Variants in PSG9 observed in about 807,000 individuals in gnomAD.
The protein encoded by PSG9 is pregnancy specific beta-1-glycoprotein 9.
A neutral mutation model predicts 41.9 loss-of-function variants in PSG9; 49 were observed. The observed-to-expected ratio is 1.17, with a 90% confidence interval of 0.93 to 1.48. The LOEUF (loss-of-function observed/expected upper bound fraction) is 1.48. PSG9 is among the 40% of genes most tolerant of loss of function. The pLI is 0.00. For missense variants in PSG9, 641 were observed against 520.3 expected (o/e 1.23, Z -2.26); for synonymous variants, 263 against 196.8 (o/e 1.34, Z -2.82).
intron 2 of PSG9, among the ~76,000 whole-genome samples, chr19:43,266,795 A>G (rs1968990820): frequency 6.6e-6 from 1 of 152,114 alleles, no homozygotes; most frequent in Admixed American, 6.5e-5. Context: ...GTGGCTGCAG[A>G]CAGACCTCAT....
chr19:43,260,046 G>A (rs1968636360), intron 3 of PSG9: 1 of 146,528 alleles, frequency 6.8e-6, no homozygotes. Context: ...AGACAAACTT[G>A]GAGAGAAGTT....
chr19:43,268,185 C>G, intron 1 of PSG9, 36 bp from the exon 2 acceptor site: 2 of 1,555,968 alleles, frequency 1.3e-6, no homozygotes, highest in Non-Finnish European at 1.7e-6. Flanking sequence ...AATATTGAGA[C>G]CTATGTATTG....
At chr19:43,269,203 A>G (rs1969130230) in intron 1 of PSG9, among the ~76,000 whole-genome samples, 165 bp downstream of exon 1, 1 of 151,842 alleles carries the variant, frequency 6.6e-6, no homozygotes, top group Non-Finnish European at 1.5e-5. Context: ...ACTGGGCTTC[A>G]CTGCATTGGC....
At chr19:43,268,339 C>T (rs1336890840) in intron 1 of PSG9, among the ~76,000 whole-genome samples, 190 bp from the exon 2 acceptor site, 3 of 152,052 alleles carry the variant, frequency 2.0e-5, no homozygotes, top group South Asian at 2.1e-4. Context: ...GTCCTACTGT[C>T]CTACTAGGTC....
At chr19:43,265,339 C>T (rs948602274) in intron 2 of PSG9, among the ~76,000 whole-genome samples, 1 of 152,108 alleles carries the variant, frequency 6.6e-6, no homozygotes, top group African/African-American at 2.4e-5. Context: ...CTAATTGCTC[C>T]TATAGATAAC....
intron 2 of PSG9, among the ~76,000 whole-genome samples, chr19:43,267,308 G>C (rs1969016451): frequency 6.6e-6 from 1 of 152,146 alleles, no homozygotes; most frequent in African/African-American, 2.4e-5. Context: ...CTTGGTCCCA[G>C]TAAGGCCTGC....
At chr19:43,263,644 CTT>C (rs1286880808) in intron 2 of PSG9, among the ~76,000 whole-genome samples, 1 of 151,468 alleles carries the variant, frequency 6.6e-6, no homozygotes, top group Non-Finnish European at 1.5e-5. Context: ...TAAGTGGAAA[CTT>C]TTACTGATGG....
At chr19:43,268,181 G>A in intron 1 of PSG9, 32 bp from the exon 2 acceptor site, 1 of 1,568,398 alleles carries the variant, frequency 6.4e-7, no homozygotes, top group Non-Finnish European at 8.6e-7. Context: ...AGTTAATATT[G>A]AGACCTATGT....
rs3179010 is a variant in PSG9 at position 43,269,474 on chromosome 19, G to A, written c.-43C>T. The A allele has an allele frequency of 0.43, 691,810 of 1,609,722 alleles. 165,925 individuals are homozygous for A. The highest frequency in any genetic ancestry group is 0.97 in the East Asian group (43,471 of 44,718). ...TGTTCTCCTCTGTGGAGATGAGCCT[G>A]GGATCCAGAAGCTGTCTGAGCACGG... On this transcript the variant is annotated 5_prime_UTR_variant, in exon 1 of 6. Coordinates refer to ENST00000270077, the MANE Select transcript of PSG9 (RefSeq NM_002784.5).
rs527620811 is a variant in PSG9, at chr19:43,253,767, A to G, written c.1244-121T>C. ...AGCAAGCCTAGTTCTCTGAGGCTCT[A>G]TTTAACTCTAATGGGTGGCTGGTTG... is the stretch of plus-strand genomic sequence containing the variant. On this transcript the variant is annotated intron_variant, in intron 5 of 5. Coordinates refer to ENST00000270077, the MANE Select transcript of PSG9 (RefSeq NM_002784.5). 1.1e-4 allele frequency: 68 copies of G among 601,888 alleles called. 3 individuals are homozygous for G. In the Middle Eastern group the frequency reaches 1.8e-3, roughly 16 times the overall value. 37.3% of individuals were successfully genotyped at this position (601,888 alleles called of 1,614,324 possible).
intron 3 of PSG9, among the ~76,000 whole-genome samples, chr19:43,261,423 G>T (rs55832852): frequency 6.6e-6 from 1 of 152,162 alleles, no homozygotes; most frequent in Non-Finnish European, 1.5e-5. Context: ...TATGGTAATA[G>T]ATGTATGAGG....
At chr19:43,257,859 C>T (rs1472575001) in intron 5 of PSG9, 3 of 1,376,490 alleles carry the variant, frequency 2.2e-6, no homozygotes, top group Non-Finnish European at 2.8e-6. Context: ...AAAAAAAAGA[C>T]GTGGCAGAAG....
chr19:43,268,356 A>G (rs1969084474), intron 1 of PSG9, among the ~76,000 whole-genome samples: 1 of 152,092 alleles, frequency 6.6e-6, no homozygotes, highest in African/African-American at 2.4e-5. Context: ...GGTCAAGGTC[A>G]GCAGCATGAC....
At position 43,267,386 on chromosome 19, in the gene PSG9, G is replaced by A. The variant is rs527709394; in HGVS notation, c.430+398C>T. On this transcript the variant is annotated intron_variant, in intron 2 of 5. Coordinates refer to ENST00000270077, the MANE Select transcript of PSG9 (RefSeq NM_002784.5). Reference sequence around the variant, plus strand: ...AACTGGAGCAAGGATTTAGGGACAGGGGTCTGGGGTTGAGGCTTCTAGGGC... The same window carrying A: ...AACTGGAGCAAGGATTTAGGGACAGAGGTCTGGGGTTGAGGCTTCTAGGGC... Among the ~76,000 whole-genome samples, 41 of 152,240 alleles carry A rather than the reference G, an allele frequency of 2.7e-4. 1 individual carries two copies. The highest frequency in any genetic ancestry group is 7.5e-4 in the African/African-American group (31 of 41,530).
chr19:43,258,757 G>A lies in PSG9; in HGVS notation c.988+100C>T, dbSNP rs10419839. ...GCCACCTCGGATGTCTAGAAGTAAA[G>A]GTGTCTATACTTGGACCGGAGAGAG... On this transcript the variant is annotated intron_variant, in intron 4 of 5. Coordinates refer to ENST00000270077, the MANE Select transcript of PSG9 (RefSeq NM_002784.5). 2.7e-3 allele frequency: 4,086 copies of A among 1,512,840 alleles called. 647 individuals carry two copies. In the African/African-American group the frequency reaches 0.052, roughly 19 times the overall value. The allele number at this position is 1,512,840 out of a possible 1,614,324, so 93.7% of individuals were successfully genotyped here.
chr19:43,255,144 C>A (rs1249455997), intron 5 of PSG9, among the ~76,000 whole-genome samples: 1 of 141,954 alleles, frequency 7.0e-6, no homozygotes, highest in East Asian at 2.5e-4. Flanking sequence ...AAAAATGAAG[C>A]GATTACTACC....
chr19:43,254,843 C>A (rs916962731), intron 5 of PSG9, among the ~76,000 whole-genome samples: 1 of 145,552 alleles, frequency 6.9e-6, no homozygotes, highest in Admixed American at 6.8e-5. Flanking sequence ...AATCCTAGCA[C>A]TTTGGGAGGT....
intron 4 of PSG9, 101 bp from the exon 5 acceptor site, chr19:43,258,557 C>A: frequency 6.8e-7 from 1 of 1,474,052 alleles, no homozygotes; most frequent in Non-Finnish European, 9.0e-7. Flanking sequence ...CAAGACACAC[C>A]CTCAAGTCCC....
rs1490679229 is a variant in PSG9, at chr19:43,258,739, C to T, written c.988+118G>A. On this transcript the variant is annotated intron_variant, in intron 4 of 5. Transcript: ENST00000270077. ...CCAGGGCAGGGAGTCATGGCCACCT[C>T]GGATGTCTAGAAGTAAAGGTGTCTA... The T allele has an allele frequency of 1.2e-5, 18 of 1,476,552 alleles. 1 individual carries two copies. Among genetic ancestry groups the T allele is most frequent in the Admixed American group, 4.2e-5 (2 of 47,142 alleles). 91.5% of individuals were successfully genotyped at this position (1,476,552 alleles called of 1,614,324 possible).
Sources: gnomAD v4.1 joint callset for allele counts (sites outside exome capture counted in the v4.1 genomes callset) on GRCh38, gnomAD v4.1.1 for gene constraint, MANE v1.5 for transcripts, NCBI Gene and HGNC (gene_info 2026-07-23, HGNC 2026-07-21) for gene names.